Variants in DCLK1 observed in about 807,000 individuals in gnomAD.
DCLK1 encodes serine/threonine-protein kinase DCLK1.
In DCLK1, 16 loss-of-function variants were observed where a neutral mutation model predicts 86.2. The observed-to-expected ratio is 0.19, with a 90% CI of 0.13 to 0.28. The LOEUF is 0.28. Ranked by LOEUF, DCLK1 falls within the 10% of genes least tolerant of loss-of-function variation. The pLI, the probability that DCLK1 is intolerant of heterozygous loss-of-function variation, is 1.00. For synonymous variants in DCLK1, 369 were observed against 370.5 expected (o/e 1.00, Z 0.05); for missense variants, 590 against 940.2 (o/e 0.63, Z 4.87).
intron 5 of DCLK1, among the ~76,000 whole-genome samples, chr13:35,870,787 A>G (rs546103294): frequency 1.3e-5 from 2 of 152,218 alleles, no homozygotes; most frequent in East Asian, 1.9e-4. Flanking sequence ...TCTCAATCTC[A>G]CTACCTTTAG....
intron 4 of DCLK1, among the ~76,000 whole-genome samples, chr13:35,879,788 G>A (rs1410723074): frequency 6.6e-6 from 1 of 152,160 alleles, no homozygotes; most frequent in African/African-American, 2.4e-5. Flanking sequence ...AATGAATACT[G>A]ATCTTTCCTT....
At chr13:35,935,145 AAAAT>A (rs1876685663) in intron 4 of DCLK1, among the ~76,000 whole-genome samples, 1 of 152,182 alleles carries the variant, frequency 6.6e-6, no homozygotes, top group Admixed American at 6.5e-5. Context: ...AGATATTTCA[AAAAT>A]AAATAGCTTT....
At chr13:35,775,096 T>C (rs895357053) in intron 16 of DCLK1, among the ~76,000 whole-genome samples, 12 of 152,166 alleles carry the variant, frequency 7.9e-5, no homozygotes, top group African/African-American at 2.7e-4. Flanking sequence ...TCAATTAACA[T>C]GCAGCTCAGG....
chr13:36,111,938 G>T lies in DCLK1; in HGVS notation c.654C>A (p.Thr218=), dbSNP rs137961229. The T allele has an allele frequency of 1.2e-6, 2 of 1,614,062 alleles. No individual in the cohort carries two copies. The highest frequency in any genetic ancestry group is 2.7e-5 in the African/African-American group (2 of 74,920). ...CCAGCTTGATGGCATCGGTGATATC[G>T]GTGAGGACCTGCTCAAAGGAATGAG... ...KTAHSFEQVL[T]DITDAIKLDS... Residue 218 remains threonine (T), a synonymous_variant, in exon 3 of 17, where the codon ACC becomes ACA. Transcript: ENST00000360631.
intron 3 of DCLK1, among the ~76,000 whole-genome samples, chr13:35,951,299 AT>A (rs1877667613): frequency 6.6e-6 from 1 of 151,472 alleles, no homozygotes; most frequent in Non-Finnish European, 1.5e-5. Context: ...GGATGGATGG[AT>A]GGATGGATGG....
At chr13:35,878,296 G>A (rs1368316745) in intron 4 of DCLK1, among the ~76,000 whole-genome samples, 1 of 152,174 alleles carries the variant, frequency 6.6e-6, no homozygotes, top group Non-Finnish European at 1.5e-5. Flanking sequence ...TAGGCTTCTT[G>A]AGGAAAGGAT....
chr13:35,851,289 G>A (rs1023122827), intron 6 of DCLK1, among the ~76,000 whole-genome samples: 12 of 152,112 alleles, frequency 7.9e-5, no homozygotes, highest in African/African-American at 1.4e-4. Context: ...GACAGAAAGC[G>A]TGTAAAATTA....
intron 4 of DCLK1, among the ~76,000 whole-genome samples, chr13:35,925,949 C>A (rs1296894757): frequency 6.6e-6 from 1 of 152,178 alleles, no homozygotes; most frequent in East Asian, 1.9e-4. Context: ...TTTACTTAAA[C>A]CCGTAGTTTG....
chr13:35,923,354 A>G (rs1875915819), intron 4 of DCLK1, among the ~76,000 whole-genome samples: 1 of 151,690 alleles, frequency 6.6e-6, no homozygotes, highest in Non-Finnish European at 1.5e-5. Flanking sequence ...GCACAGTCCA[A>G]GATGCCACTA....
intron 4 of DCLK1, among the ~76,000 whole-genome samples, chr13:35,936,060 C>T (rs544922388): frequency 1.3e-5 from 2 of 152,132 alleles, no homozygotes; most frequent in East Asian, 3.9e-4. Flanking sequence ...GACAGAAAAG[C>T]AAACCTGAAA....
intron 10 of DCLK1, among the ~76,000 whole-genome samples, chr13:35,824,602 T>C: frequency 6.6e-6 from 1 of 152,176 alleles, no homozygotes; most frequent in Non-Finnish European, 1.5e-5. Flanking sequence ...GCCTCATCCC[T>C]GGGTTGTTGT....
At chr13:35,983,270 C>A (rs780714677) in intron 3 of DCLK1, among the ~76,000 whole-genome samples, 1 of 152,310 alleles carries the variant, frequency 6.6e-6, no homozygotes, top group Non-Finnish European at 1.5e-5. Flanking sequence ...GGATTACAGG[C>A]ATGAGCCAAC....
chr13:35,830,790 C>T (rs956670691), intron 8 of DCLK1, among the ~76,000 whole-genome samples: 1 of 152,192 alleles, frequency 6.6e-6, no homozygotes, highest in Admixed American at 6.5e-5. Context: ...ATAAAAGCTG[C>T]CGTTCCCTTC....
At chr13:36,085,756 G>A (rs905350743) in intron 3 of DCLK1, among the ~76,000 whole-genome samples, 2 of 152,138 alleles carry the variant, frequency 1.3e-5, no homozygotes. Context: ...CCCTGGGAGG[G>A]AAGGCTGGAG....
At chr13:35,957,687 T>C (rs1400904121) in intron 3 of DCLK1, among the ~76,000 whole-genome samples, 11 of 152,200 alleles carry the variant, frequency 7.2e-5, no homozygotes, top group Admixed American at 7.2e-4. Context: ...CATGGAAGTA[T>C]GCTTTTGCCA....
intron 3 of DCLK1, among the ~76,000 whole-genome samples, chr13:36,014,678 C>A (rs1050449235): frequency 6.6e-6 from 1 of 152,142 alleles, no homozygotes; most frequent in East Asian, 1.9e-4. Flanking sequence ...AATTCTCTAT[C>A]TTTTTCTAGT....
chr13:35,932,092 G>A (rs562248470), intron 4 of DCLK1, among the ~76,000 whole-genome samples: 2 of 152,146 alleles, frequency 1.3e-5, no homozygotes, highest in Non-Finnish European at 2.9e-5. Context: ...AGAATCAGTG[G>A]ACTCCATAAG....
chr13:35,982,498 T>C (rs1879710074), intron 3 of DCLK1, among the ~76,000 whole-genome samples: 2 of 147,478 alleles, frequency 1.4e-5, no homozygotes, highest in East Asian at 2.0e-4. Context: ...CCGATTCAAG[T>C]GAATTTCAAC....
intron 3 of DCLK1, among the ~76,000 whole-genome samples, chr13:35,985,394 A>ACAAAC (rs200593682): frequency 6.6e-6 from 1 of 151,762 alleles, no homozygotes; most frequent in African/African-American, 2.4e-5. Context: ...AAACAAACAA[A>ACAAAC]AAAAAAAAAT....
Sources: allele counts gnomAD v4.1 joint callset (sites outside exome capture counted in the v4.1 genomes callset), GRCh38; gene constraint gnomAD v4.1.1; transcripts MANE v1.5; gene names NCBI Gene and HGNC (gene_info 2026-07-23, HGNC 2026-07-21).